Variants in NFATC1 observed in about 807,000 individuals in gnomAD.
The protein encoded by NFATC1 is nuclear factor of activated T-cells, cytoplasmic 1.
A neutral mutation model predicts 76.0 loss-of-function variants in NFATC1; 22 were observed. The ratio of observed to expected loss-of-function variants is 0.29; its 90% CI spans 0.21 to 0.41. The LOEUF is 0.41. Ranked by LOEUF, NFATC1 falls within the 10% of genes least tolerant of loss-of-function variation. The pLI, the probability that NFATC1 is intolerant of heterozygous loss-of-function variation, is 1.00. For synonymous variants in NFATC1, 704 were observed against 613.1 expected (o/e 1.15, Z -2.19); for missense variants, 1,357 against 1,337.7 (o/e 1.01, Z -0.23).
intron 9 of NFATC1, among the ~76,000 whole-genome samples, chr18:79,518,056 C>T (rs932162284): frequency 6.6e-6 from 1 of 152,346 alleles, no homozygotes; most frequent in African/African-American, 2.4e-5. Context: ...TCACTGCACG[C>T]AGCCTGAGGG....
chr18:79,501,376 C>G (rs1600940563), intron 9 of NFATC1, among the ~76,000 whole-genome samples: 1 of 152,198 alleles, frequency 6.6e-6, no homozygotes, highest in Admixed American at 6.5e-5. Flanking sequence ...GATCATCACA[C>G]TGAATCGTCC....
intron 3 of NFATC1, among the ~76,000 whole-genome samples, chr18:79,437,810 C>A (rs1346735816): frequency 6.6e-6 from 1 of 152,232 alleles, no homozygotes; most frequent in East Asian, 1.9e-4. Context: ...TTCGCGAGTG[C>A]TCTGGGTGGC....
At chr18:79,464,686 A>ATATACACACATG (rs2088359065) in intron 7 of NFATC1, among the ~76,000 whole-genome samples, 4 of 111,484 alleles carry the variant, frequency 3.6e-5, no homozygotes, top group African/African-American at 1.4e-4. Context: ...GTATGTGTAT[A>ATATACACACATG]TATATATATT....
intron 8 of NFATC1, 137 bp downstream of exon 8, chr18:79,467,719 G>A (rs907733466): frequency 3.9e-5 from 52 of 1,337,216 alleles, no homozygotes; most frequent in East Asian, 2.7e-4. Context: ...TAGTGAGACC[G>A]AGCCATCGAT....
chr18:79,410,044 G>A lies in NFATC1; in HGVS notation c.128-359G>A. 1.6e-6 allele frequency: 1 copy of A among 612,012 alleles called. No individual in the cohort carries two copies. Among genetic ancestry groups the A allele is most frequent in the Non-Finnish European group, 3.1e-6 (1 of 320,332 alleles). 37.9% of individuals were successfully genotyped at this position (612,012 alleles called of 1,614,324 possible). A position where few individuals can be genotyped will look rare whatever the true frequency, so the allele number is the denominator to read the frequency against. On this transcript the variant is annotated intron_variant, in intron 1 of 9. Coordinates refer to ENST00000427363, the MANE Select transcript of NFATC1 (RefSeq NM_001278669.2). This position sits in a 1 kb window ranked among gnomAD's most constrained non-coding sequence, Gnocchi z 6.7. Reference sequence around the variant, plus strand: ...GACCCAGTCGCCTCTCTCTGGGAAGGACGTTCGGATGAAGATGGGGTGGTT... The same window carrying A: ...GACCCAGTCGCCTCTCTCTGGGAAGAACGTTCGGATGAAGATGGGGTGGTT...
chr18:79,504,597 A>G (rs1453148503), intron 9 of NFATC1, among the ~76,000 whole-genome samples: 1 of 152,278 alleles, frequency 6.6e-6, no homozygotes, highest in Admixed American at 6.5e-5. Context: ...TTGAAACGTG[A>G]CACAGAGATA....
At chr18:79,425,035 ATC>A (rs946466204) in intron 2 of NFATC1, among the ~76,000 whole-genome samples, 6 of 64,168 alleles carry the variant, frequency 9.4e-5, no homozygotes, top group African/African-American at 4.1e-4. Context: ...ATCTCTCTCC[ATC>A]TCTCTCTCCG....
Position 79,406,444 on chromosome 18 carries a change from C to T in NFATC1, c.128-3959C>T, listed in dbSNP as rs140648398. Among the ~76,000 whole-genome samples the T allele has an allele frequency of 9.9e-5, 15 of 152,172 alleles. No individual in the cohort carries two copies. The East Asian group carries it at 2.7e-3, about 28-fold the overall frequency. On this transcript the variant is annotated intron_variant, in intron 1 of 9. Transcript: ENST00000427363. ...GAGGCTGGGCCCCCGTGATCGGATC[C>T]ACGCTGCCATCGTGTTCCCTCAGTT...
chr18:79,482,873 C>A (rs2089341628), intron 8 of NFATC1, among the ~76,000 whole-genome samples: 1 of 134,408 alleles, frequency 7.4e-6, no homozygotes, highest in South Asian at 2.5e-4. Flanking sequence ...TCCAGCGTGA[C>A]CTGGTTCCTG....
intron 8 of NFATC1, among the ~76,000 whole-genome samples, chr18:79,481,609 C>T (rs573137012): frequency 5.3e-5 from 8 of 152,374 alleles, no homozygotes; most frequent in African/African-American, 9.6e-5. Context: ...GGAACCGCCT[C>T]GGCGCTGCCA....
intron 9 of NFATC1, among the ~76,000 whole-genome samples, chr18:79,495,870 A>G (rs1468721582): frequency 6.6e-6 from 1 of 151,892 alleles, no homozygotes; most frequent in South Asian, 2.1e-4. Context: ...GGTGTCCGCA[A>G]GTGTCACTGT....
At chr18:79,525,824 C>G (rs2090747058) in intron 9 of NFATC1, among the ~76,000 whole-genome samples, 1 of 152,244 alleles carries the variant, frequency 6.6e-6, no homozygotes, top group South Asian at 2.1e-4. Flanking sequence ...CCGTGTCTTC[C>G]TCCTGGGCAG....
intron 2 of NFATC1, among the ~76,000 whole-genome samples, chr18:79,427,323 G>A (rs115781620): frequency 0.01 from 1,523 of 152,154 alleles, 27 homozygotes; most frequent in African/African-American, 0.035. Context: ...ATGTGCAACA[G>A]TGAACTTCCC....
chr18:79,464,388 C>A (rs533559860), intron 7 of NFATC1, among the ~76,000 whole-genome samples: 1 of 152,246 alleles, frequency 6.6e-6, no homozygotes, highest in South Asian at 2.1e-4. Context: ...AGCCACCGCG[C>A]CCGGCCTGCT....
At chr18:79,460,532 ACG>A (rs2088008539) in intron 6 of NFATC1, among the ~76,000 whole-genome samples, 1 of 152,208 alleles carries the variant, frequency 6.6e-6, no homozygotes. Flanking sequence ...AGAGAGCACA[ACG>A]CGTCCTTTCA....
intron 1 of NFATC1, 125 bp downstream of exon 1, chr18:79,396,476 T>G (rs1353761628): frequency 3.8e-6 from 2 of 521,612 alleles, no homozygotes; most frequent in Non-Finnish European, 5.3e-6. Context: ...CGGCCGGGTC[T>G]GTGCGCCCAG....
At chr18:79,432,795 G>A (rs2086645242) in intron 2 of NFATC1, among the ~76,000 whole-genome samples, 1 of 152,210 alleles carries the variant, frequency 6.6e-6, no homozygotes, top group Admixed American at 6.5e-5. Flanking sequence ...AACACAGTTG[G>A]GAAGACACGC....
chr18:79,400,267 G>GCGGGGA, intron 1 of NFATC1: 5 of 1,173,404 alleles, frequency 4.3e-6, no homozygotes, highest in Non-Finnish European at 5.3e-6. Flanking sequence ...GGGGGCGGGG[G>GCGGGGA]CGGGGCGGGG....
chr18:79,442,148 G>A (rs929012986), intron 3 of NFATC1, among the ~76,000 whole-genome samples: 4 of 152,178 alleles, frequency 2.6e-5, no homozygotes, highest in Non-Finnish European at 4.4e-5. Flanking sequence ...GGAGGGCAGC[G>A]GGCCGAGGCG....
Sources: gnomAD v4.1 joint callset for allele counts (sites outside exome capture counted in the v4.1 genomes callset) on GRCh38, gnomAD v4.1.1 for gene constraint, Gnocchi (gnomAD v3.1) non-coding constraint, MANE v1.5 for transcripts, NCBI Gene and HGNC (gene_info 2026-07-23, HGNC 2026-07-21) for gene names.